The following GPC5 variants were observed in gnomAD, a reference collection of about 807,000 sequenced individuals.
GPC5 encodes the protein glypican-5.
A neutral mutation model predicts 53.9 loss-of-function variants in GPC5; 47 were observed. The ratio of observed to expected loss-of-function variants is 0.87; its 90% CI spans 0.69 to 1.11. GPC5 has a LOEUF of 1.11. Ranked by LOEUF, GPC5 falls within the 50% of genes most tolerant of loss-of-function variation. GPC5 has a pLI of 0.00. For synonymous variants in GPC5, 286 were observed against 263.3 expected (o/e 1.09, Z -0.84); for missense variants, 748 against 713.1 (o/e 1.05, Z -0.56).
chr13:92,043,537 G>A (rs1375739552), intron 6 of GPC5, among the ~76,000 whole-genome samples: 1 of 152,172 alleles, frequency 6.6e-6, no homozygotes, highest in Admixed American at 6.5e-5. Context: ...TCAGTGAATT[G>A]GAAGTCTTCA....
intron 3 of GPC5, among the ~76,000 whole-genome samples, chr13:91,725,806 A>C (rs940518321): frequency 6.6e-6 from 1 of 152,318 alleles, no homozygotes; most frequent in East Asian, 1.9e-4. Context: ...CTCTGAACTC[A>C]TAACTTCAAA....
At chr13:92,116,737 T>G (rs1213935362) in intron 6 of GPC5, among the ~76,000 whole-genome samples, 2 of 152,244 alleles carry the variant, frequency 1.3e-5, no homozygotes, top group Non-Finnish European at 2.9e-5. Flanking sequence ...GTCATAACTT[T>G]CTCCATTATG....
chr13:91,871,765 G>A (rs187734510), intron 5 of GPC5, among the ~76,000 whole-genome samples: 2 of 150,916 alleles, frequency 1.3e-5, no homozygotes, highest in Non-Finnish European at 2.9e-5. Flanking sequence ...AAATAACTTC[G>A]TTTTCCTTTA....
intron 7 of GPC5, among the ~76,000 whole-genome samples, chr13:92,479,251 T>C (rs1879262350): frequency 6.6e-6 from 1 of 152,058 alleles, no homozygotes; most frequent in South Asian, 2.1e-4. Flanking sequence ...CATACCACGA[T>C]TGGGCCCAGG....
chr13:92,579,733 T>G (rs1171464313), intron 7 of GPC5, among the ~76,000 whole-genome samples: 2 of 152,300 alleles, frequency 1.3e-5, no homozygotes, highest in Non-Finnish European at 2.9e-5. Context: ...GTCTTAGAGA[T>G]TACCATCGTA....
chr13:91,547,222 A>G (rs777050548), intron 2 of GPC5, among the ~76,000 whole-genome samples: 5 of 152,096 alleles, frequency 3.3e-5, no homozygotes, highest in Admixed American at 3.3e-4. Context: ...ATTTAGCAAT[A>G]TTGGTCTGGA....
chr13:92,419,415 G>A (rs1235082625), intron 7 of GPC5, among the ~76,000 whole-genome samples: 1 of 152,142 alleles, frequency 6.6e-6, no homozygotes, highest in Non-Finnish European at 1.5e-5. Context: ...AGTGGGAAAA[G>A]GTAAATGACC....
At chr13:92,775,115 C>T (rs924669357) in intron 7 of GPC5, among the ~76,000 whole-genome samples, 1 of 152,124 alleles carries the variant, frequency 6.6e-6, no homozygotes, top group African/African-American at 2.4e-5. Context: ...TGAGAAATAT[C>T]ATTCATTTAT....
chr13:92,705,779 T>C (rs1887929590), intron 7 of GPC5, among the ~76,000 whole-genome samples: 1 of 152,094 alleles, frequency 6.6e-6, no homozygotes, highest in South Asian at 2.1e-4. Flanking sequence ...ACAGTGAGTT[T>C]GCAAGCTTTT....
rs557210641 is a variant in GPC5 at position 91,911,698 on chromosome 13, C to T, written c.1401+3641C>T. Among the ~76,000 whole-genome samples, 11 of 152,248 alleles carry T rather than the reference C, an allele frequency of 7.2e-5. No individual in the cohort carries two copies. The East Asian group carries it at 2.1e-3, about 29-fold the overall frequency. The stretch of plus-strand genomic sequence containing the variant: ...AGGAAGTGGTACAGACAGAAGACCA[C>T]ATAACTGGAACTAGAATAATAAGAG... On this transcript the variant is annotated intron_variant, in intron 6 of 7. Coordinates refer to ENST00000377067, the MANE Select transcript of GPC5 (RefSeq NM_004466.6).
chr13:92,541,991 C>A (rs1289762289), intron 7 of GPC5, among the ~76,000 whole-genome samples: 1 of 151,892 alleles, frequency 6.6e-6, no homozygotes, highest in Non-Finnish European at 1.5e-5. Context: ...TCTGTTCTTG[C>A]ACCAGAAAGG....
At chr13:91,809,089 T>C (rs2038269721) in intron 5 of GPC5, among the ~76,000 whole-genome samples, 1 of 152,182 alleles carries the variant, frequency 6.6e-6, no homozygotes, top group Admixed American at 6.5e-5. Context: ...TAGAAAAGGA[T>C]TATCATCTTT....
In GPC5 at chr13:92,659,460, C is replaced by T. The variant is rs566234344; in HGVS notation, c.1562-206822C>T. 5.4e-4 allele frequency among the ~76,000 whole-genome samples: 81 copies of T among 148,824 alleles called. 1 individual carries two copies. The highest frequency in any genetic ancestry group is 2.0e-3 in the African/African-American group (79 of 40,374). ...TAAATACACTATTAGCTATGCTAGC[C>T]CTTATTTATTCGTGACTCCCTATCT... On this transcript the variant is annotated intron_variant, in intron 7 of 7. Coordinates refer to ENST00000377067, the MANE Select transcript of GPC5 (RefSeq NM_004466.6).
In GPC5 at chr13:91,962,858, G is replaced by T. The variant is rs541600243; in HGVS notation, c.1401+54801G>T. Reference sequence around the variant, plus strand: ...TAATAGTGGCCTTCAGGCCAATTTAGCCTACTGGTGTGTTTTGTTTCCTAT... The same window carrying T: ...TAATAGTGGCCTTCAGGCCAATTTATCCTACTGGTGTGTTTTGTTTCCTAT... On this transcript the variant is annotated intron_variant, in intron 6 of 7. Transcript: ENST00000377067. Among the ~76,000 whole-genome samples the T allele has an allele frequency of 1.2e-4, 18 of 152,256 alleles. No homozygotes were observed. The East Asian group carries it at 3.5e-3, about 29-fold the overall frequency.
In GPC5 at chr13:91,955,254, G is replaced by A. The variant is rs60993548; in HGVS notation, c.1401+47197G>A. 1.2e-3 allele frequency among the ~76,000 whole-genome samples: 186 copies of A among 152,226 alleles called. 1 individual carries two copies. The highest frequency in any genetic ancestry group is 4.2e-3 in the African/African-American group (176 of 41,546). On this transcript the variant is annotated intron_variant, in intron 6 of 7. Transcript: ENST00000377067. The stretch of plus-strand genomic sequence containing the variant: ...CAGATTCTAAATCAATTGGAGGAAC[G>A]CAAATAGCCAAGAACACTCAAATTT...
intron 1 of GPC5, among the ~76,000 whole-genome samples, chr13:91,441,806 G>A (rs1880454856): frequency 6.6e-6 from 1 of 152,150 alleles, no homozygotes; most frequent in Non-Finnish European, 1.5e-5. Context: ...AAGGTAGGAG[G>A]AGCAAGTTTG....
At chr13:92,384,123 T>A (rs9516068) in intron 7 of GPC5, among the ~76,000 whole-genome samples, 85,196 of 149,824 alleles carry the variant, frequency 0.57, 24,563 homozygotes, top group African/African-American at 0.67. Flanking sequence ...ATTGTTTTTA[T>A]AGGTTTTTTT....
intron 7 of GPC5, among the ~76,000 whole-genome samples, chr13:92,586,900 C>T (rs983813792): frequency 6.6e-6 from 1 of 152,040 alleles, no homozygotes; most frequent in African/African-American, 2.4e-5. Context: ...TAAACCAGTT[C>T]TTGAAGACAT....
At chr13:92,032,415 G>A (rs763681263) in intron 6 of GPC5, among the ~76,000 whole-genome samples, 2 of 149,922 alleles carry the variant, frequency 1.3e-5, no homozygotes, top group South Asian at 2.1e-4. Flanking sequence ...AATACCACCC[G>A]TTTCCCCCCA....
Sources: gnomAD v4.1 joint callset for allele counts (sites outside exome capture counted in the v4.1 genomes callset) on GRCh38, gnomAD v4.1.1 for gene constraint, MANE v1.5 for transcripts, NCBI Gene and HGNC (gene_info 2026-07-23, HGNC 2026-07-21) for gene names.